ACAP2: variants seen among roughly 807,000 people sequenced by gnomAD.
The protein encoded by ACAP2 is arf-GAP with coiled-coil, ANK repeat and PH domain-containing protein 2.
In ACAP2, 39 loss-of-function variants were observed where a neutral mutation model predicts 115.8. The ratio of observed to expected loss-of-function variants is 0.34; its 90% confidence interval spans 0.26 to 0.44. ACAP2 has a LOEUF of 0.44. ACAP2 is among the 20% of genes least tolerant of loss of function. The pLI is 1.00. For missense variants in ACAP2, 662 were observed against 927.6 expected (o/e 0.71, Z 3.72); for synonymous variants, 289 against 315.8 (o/e 0.92, Z 0.90).
chr3:195,332,789 G>C (rs1050975292), intron 8 of ACAP2, among the ~76,000 whole-genome samples: 2 of 152,116 alleles, frequency 1.3e-5, no homozygotes, highest in Non-Finnish European at 2.9e-5. Flanking sequence ...CTGCTGCCTT[G>C]TGAAAAAGAT....
chr3:195,298,172 T>C (rs1727776581), intron 15 of ACAP2, among the ~76,000 whole-genome samples: 1 of 151,718 alleles, frequency 6.6e-6, no homozygotes. Context: ...AGGATTACAA[T>C]GCTCTCTGGA....
At position 195,401,487 on chromosome 3, in the gene ACAP2, A is replaced by C. The variant is rs531610971; in HGVS notation, c.54-9340T>G. On this transcript the variant is annotated intron_variant, in intron 1 of 22. Transcript: ENST00000326793. ...TGAGACCAGTCTGACCAACGCAGTG[A>C]AACCCTGTCTGTACTAAAAATACAA... is the stretch of plus-strand genomic sequence containing the variant. 3.3e-5 allele frequency among the ~76,000 whole-genome samples: 5 copies of C among 152,300 alleles called. No homozygotes were observed. In the South Asian group the frequency reaches 1.0e-3, roughly 32 times the overall value.
At chr3:195,366,200 T>C (rs895980635) in intron 4 of ACAP2, among the ~76,000 whole-genome samples, 11 of 152,174 alleles carry the variant, frequency 7.2e-5, no homozygotes, top group Admixed American at 6.5e-5. Flanking sequence ...TCTAAGGCAG[T>C]GGTTCTCCAC....
intron 4 of ACAP2, among the ~76,000 whole-genome samples, chr3:195,351,611 C>A (rs919462147): frequency 6.6e-6 from 1 of 151,762 alleles, no homozygotes; most frequent in African/African-American, 2.4e-5. Context: ...ACAGGCGCCC[C>A]CCACCACCAC....
chr3:195,428,536 T>C lies in ACAP2; in HGVS notation c.53+14259A>G, dbSNP rs1714863488. Among the ~76,000 whole-genome samples the C allele has an allele frequency of 4.6e-5, 7 of 152,222 alleles. No individual in the cohort carries two copies. The South Asian group carries it at 1.0e-3, about 23-fold the overall frequency. The stretch of plus-strand genomic sequence containing the variant: ...CACTGTGTTAAAATTGCCTACAGTA[T>C]TCAGTACAATAACAAGCTGTACAGG... On this transcript the variant is annotated intron_variant, in intron 1 of 22. Coordinates refer to ENST00000326793, the MANE Select transcript of ACAP2 (RefSeq NM_012287.6).
intron 1 of ACAP2, among the ~76,000 whole-genome samples, chr3:195,424,022 C>A (rs1026283164): frequency 6.6e-6 from 1 of 151,700 alleles, no homozygotes; most frequent in Admixed American, 6.6e-5. Flanking sequence ...GCATGCATAT[C>A]CACAAATCAC....
intron 1 of ACAP2, among the ~76,000 whole-genome samples, chr3:195,422,136 A>G (rs1714240503): frequency 6.6e-6 from 1 of 152,208 alleles, no homozygotes; most frequent in South Asian, 2.1e-4. Context: ...AAAAACAGAG[A>G]AGTGTATAAT....
chr3:195,292,566 T>G, intron 18 of ACAP2, 114 bp from the exon 19 acceptor site: 1 of 977,480 alleles, frequency 1.0e-6, no homozygotes, highest in Non-Finnish European at 1.5e-6. Flanking sequence ...TGTGGATGAA[T>G]GGCAGTAAAG....
In ACAP2 at chr3:195,298,638, C is replaced by CTT. The variant is rs573074407; in HGVS notation, c.1396-1359_1396-1358dup. The stretch of plus-strand genomic sequence containing the variant: ...CCTCTTCTGTCATTTCCATTTATTC[C>CTT]TTTTTTTTTTGAGATGGAGTTTCCC... On this transcript the variant is annotated intron_variant, in intron 15 of 22. Coordinates refer to ENST00000326793, the MANE Select transcript of ACAP2 (RefSeq NM_012287.6). Among the ~76,000 whole-genome samples the CTT allele has an allele frequency of 5.1e-3, 758 of 148,414 alleles. 5 individuals carry two copies. Among genetic ancestry groups the CTT allele is most frequent in the African/African-American group, 0.018 (736 of 40,566 alleles).
rs9863901 is a variant in ACAP2, at chr3:195,276,008, A to G, written c.*3320T>C. 0.83 allele frequency: 126,518 copies of G among 152,558 alleles called. 52,707 individuals are homozygous for G. The highest frequency in any genetic ancestry group is 0.95 in the East Asian group (4,898 of 5,180). 9.5% of individuals were successfully genotyped at this position (152,558 alleles called of 1,614,324 possible). On this transcript the variant is annotated 3_prime_UTR_variant, in exon 23 of 23. Transcript: ENST00000326793. ...ATCATTTTTCCAGCTCATGTCCATG[A>G]TCCAAAGTGATATTATACACAAGTG... is the stretch of plus-strand genomic sequence containing the variant.
At chr3:195,439,794 T>C (rs888603070) in intron 1 of ACAP2, among the ~76,000 whole-genome samples, 1 of 151,962 alleles carries the variant, frequency 6.6e-6, no homozygotes, top group South Asian at 2.1e-4. Flanking sequence ...ACCCGGCTAA[T>C]TTTTGTATTT....
At chr3:195,343,434 G>A (rs951945981) in intron 5 of ACAP2, among the ~76,000 whole-genome samples, 13 of 152,000 alleles carry the variant, frequency 8.6e-5, no homozygotes, top group African/African-American at 3.1e-4. Flanking sequence ...TACTACCATG[G>A]GTGGTCTACA....
At chr3:195,284,811 T>G (rs968349702) in intron 22 of ACAP2, among the ~76,000 whole-genome samples, 4 of 152,224 alleles carry the variant, frequency 2.6e-5, no homozygotes, top group Non-Finnish European at 5.9e-5. Flanking sequence ...CACGAATTCA[T>G]GAAATTTTTT....
chr3:195,404,236 G>C (rs1006859908), intron 1 of ACAP2, among the ~76,000 whole-genome samples: 1 of 152,082 alleles, frequency 6.6e-6, no homozygotes, highest in East Asian at 1.9e-4. Context: ...TGTTATCAAG[G>C]AAGAAGGAGT....
chr3:195,381,773 G>T, intron 3 of ACAP2, 130 bp downstream of exon 3: 1 of 1,031,842 alleles, frequency 9.7e-7, no homozygotes, highest in Non-Finnish European at 1.4e-6. Flanking sequence ...AGAGCACCAA[G>T]GGGTGACCAC....
chr3:195,300,040 TTTTC>T (rs1214101464), intron 15 of ACAP2, among the ~76,000 whole-genome samples: 1 of 34,890 alleles, frequency 2.9e-5, no homozygotes, highest in African/African-American at 8.1e-5. Flanking sequence ...TTTTCTTTTT[TTTTC>T]TTTTTTTTTT....
chr3:195,398,906 C>T (rs888954220), intron 1 of ACAP2, among the ~76,000 whole-genome samples: 2 of 152,086 alleles, frequency 1.3e-5, no homozygotes, highest in African/African-American at 2.4e-5. Context: ...TCAACTCATA[C>T]GAGCCCCTGA....
At chr3:195,382,664 AG>A (rs1340449842) in intron 2 of ACAP2, among the ~76,000 whole-genome samples, 2 of 152,112 alleles carry the variant, frequency 1.3e-5, no homozygotes, top group Non-Finnish European at 2.9e-5. Context: ...GGGGATGCAA[AG>A]GGGGGTCACC....
At chr3:195,434,531 C>T (rs1162525654) in intron 1 of ACAP2, among the ~76,000 whole-genome samples, 3 of 152,130 alleles carry the variant, frequency 2.0e-5, no homozygotes, top group African/African-American at 7.2e-5. Flanking sequence ...CCATTGTGCC[C>T]AGCTGGTCTG....
Sources: gnomAD v4.1 joint callset for allele counts (sites outside exome capture counted in the v4.1 genomes callset) on GRCh38, gnomAD v4.1.1 for gene constraint, MANE v1.5 for transcripts, NCBI Gene and HGNC (gene_info 2026-07-23, HGNC 2026-07-21) for gene names.